The following ZFAND3 variants were observed in gnomAD, a reference collection of about 807,000 sequenced individuals.
ZFAND3 encodes zinc finger AN1-type containing 3, also known as AN1-type zinc finger protein 3.
ZFAND3 carries 10 observed loss-of-function variants against 29.6 expected under a neutral mutation model. The ratio of observed to expected loss-of-function variants is 0.34; its 90% CI spans 0.21 to 0.57. ZFAND3 has a LOEUF of 0.57. Ranked by LOEUF, ZFAND3 falls within the 20% of genes least tolerant of loss-of-function variation. The pLI is 0.86. For missense variants in ZFAND3, 230 were observed against 304.5 expected (o/e 0.76, Z 1.82); for synonymous variants, 128 against 112.6 (o/e 1.14, Z -0.87).
At chr6:37,940,980 A>T (rs1446776224) in intron 2 of ZFAND3, among the ~76,000 whole-genome samples, 2 of 152,214 alleles carry the variant, frequency 1.3e-5, no homozygotes, top group Non-Finnish European at 2.9e-5. Context: ...AGGCAGTAAA[A>T]TCCTGAAATG....
At chr6:38,031,798 T>G (rs1763565465) in intron 2 of ZFAND3, among the ~76,000 whole-genome samples, 1 of 152,148 alleles carries the variant, frequency 6.6e-6, no homozygotes, top group Non-Finnish European at 1.5e-5. Context: ...GTTATGCATA[T>G]GTAGACTCCA....
intron 1 of ZFAND3, among the ~76,000 whole-genome samples, chr6:37,904,699 GA>G (rs1423096592): frequency 6.6e-6 from 1 of 152,192 alleles, no homozygotes; most frequent in Non-Finnish European, 1.5e-5. Context: ...AAATGATGAA[GA>G]GGGGTGATTA....
chr6:38,025,977 CTG>C lies in ZFAND3; in HGVS notation c.113-35613_113-35612del, dbSNP rs576364490. On this transcript the variant is annotated intron_variant, in intron 2 of 5. Transcript: ENST00000287218. ...AATTGGTTGTGATGCTTGCACAACTCTGTGAATATACTCTGCCTAAAACTATT... is the reference window on the plus strand; with the variant it reads ...AATTGGTTGTGATGCTTGCACAACTCTGAATATACTCTGCCTAAAACTATT... Among the ~76,000 whole-genome samples, 52 of 152,246 alleles carry C rather than the reference CTG, an allele frequency of 3.4e-4. 1 individual carries two copies. In the South Asian group the frequency reaches 9.3e-3, roughly 27 times the overall value.
intron 1 of ZFAND3, among the ~76,000 whole-genome samples, chr6:37,919,266 G>A (rs1048085672): frequency 1.3e-5 from 2 of 151,994 alleles, no homozygotes; most frequent in African/African-American, 4.8e-5. Context: ...TTATATATAT[G>A]TTCACCCATT....
intron 5 of ZFAND3, among the ~76,000 whole-genome samples, chr6:38,118,942 CT>C (rs1403091913): frequency 6.6e-6 from 1 of 152,220 alleles, no homozygotes; most frequent in East Asian, 1.9e-4. Context: ...TTTAAATGTT[CT>C]AACATGTAGT....
intron 4 of ZFAND3, among the ~76,000 whole-genome samples, chr6:38,109,278 G>GT (rs1320062280): frequency 1.3e-5 from 2 of 150,890 alleles, no homozygotes; most frequent in East Asian, 3.9e-4. Context: ...CACCTCCTGC[G>GT]TTCAAGCGAT....
At chr6:38,027,897 T>C (rs1188352381) in intron 2 of ZFAND3, among the ~76,000 whole-genome samples, 1 of 152,252 alleles carries the variant, frequency 6.6e-6, no homozygotes, top group Non-Finnish European at 1.5e-5. Flanking sequence ...TGCCCTGCTA[T>C]GGAGCCTTTC....
rs563719579 is a variant in ZFAND3 at position 37,880,403 on chromosome 6, GGTCA to G, written c.72-49551_72-49548del. On this transcript the variant is annotated intron_variant, in intron 1 of 5. Coordinates refer to ENST00000287218, the MANE Select transcript of ZFAND3 (RefSeq NM_021943.3). ...CCACTAAAATTTTACCTGACAGTGA[GGTCA>G]GTCAAACAATGGAATAACTTGCTAA... is the stretch of plus-strand genomic sequence containing the variant. Among the ~76,000 whole-genome samples the G allele has an allele frequency of 3.2e-3, 483 of 152,264 alleles. 1 individual carries two copies. Among genetic ancestry groups the G allele is most frequent in the Non-Finnish European group, 5.3e-3 (360 of 68,024 alleles).
intron 1 of ZFAND3, among the ~76,000 whole-genome samples, chr6:37,878,561 C>T (rs935254516): frequency 1.3e-5 from 2 of 152,198 alleles, no homozygotes; most frequent in Non-Finnish European, 2.9e-5. Flanking sequence ...ACCTGAACAC[C>T]CCACAGCAGC....
chr6:37,899,666 GTTA>G (rs1765283815), intron 1 of ZFAND3, among the ~76,000 whole-genome samples: 1 of 152,110 alleles, frequency 6.6e-6, no homozygotes, highest in African/African-American at 2.4e-5. Context: ...AGAGATGCCC[GTTA>G]TTATCTTTGC....
intron 1 of ZFAND3, among the ~76,000 whole-genome samples, chr6:37,886,453 C>A (rs375803669): frequency 1.3e-5 from 2 of 152,104 alleles, no homozygotes; most frequent in African/African-American, 4.8e-5. Context: ...TTTGTTAGAA[C>A]ACAAGCCTTG....
At chr6:37,841,744 A>G (rs1344552730) in intron 1 of ZFAND3, among the ~76,000 whole-genome samples, 1 of 152,040 alleles carries the variant, frequency 6.6e-6, no homozygotes, top group East Asian at 1.9e-4. Context: ...CGGCCCCCCA[A>G]AGCGCTGGGA....
intron 3 of ZFAND3, among the ~76,000 whole-genome samples, chr6:38,063,239 T>C (rs1764277322): frequency 6.6e-6 from 1 of 152,224 alleles, no homozygotes; most frequent in African/African-American, 2.4e-5. Context: ...CTATATTTGG[T>C]AATATCGAGA....
chr6:38,005,173 G>T (rs986200629), intron 2 of ZFAND3, among the ~76,000 whole-genome samples: 1 of 152,154 alleles, frequency 6.6e-6, no homozygotes, highest in African/African-American at 2.4e-5. Flanking sequence ...TTTCTTTAGT[G>T]CCATTTCAAA....
Position 38,103,438 on chromosome 6 carries a change from CGT to C in ZFAND3, c.362-13131_362-13130del, listed in dbSNP as rs1223673907. On this transcript the variant is annotated intron_variant, in intron 4 of 5. Coordinates refer to ENST00000287218, the MANE Select transcript of ZFAND3 (RefSeq NM_021943.3). ...GTATATACACACACATATATATACA[CGT>C]GTATATATATACACACATATATACA... Among the ~76,000 whole-genome samples, 12 of 69,414 alleles carry C rather than the reference CGT, an allele frequency of 1.7e-4. No individual in the cohort carries two copies. In the South Asian group the frequency reaches 4.1e-3, roughly 24 times the overall value. The allele number at this position is 69,414 out of a possible 152,430, so 45.5% of individuals were successfully genotyped here. A position where few individuals can be genotyped will look rare whatever the true frequency, so the allele number is the denominator to read the frequency against.
chr6:37,865,974 G>C (rs1264786425), intron 1 of ZFAND3, among the ~76,000 whole-genome samples: 1 of 152,080 alleles, frequency 6.6e-6, no homozygotes, highest in Non-Finnish European at 1.5e-5. Flanking sequence ...CATATCTCTG[G>C]TGGCAACTCC....
chr6:38,072,713 A>G lies in ZFAND3; in HGVS notation c.296-9679A>G, dbSNP rs559323166. 1.0e-3 allele frequency among the ~76,000 whole-genome samples: 158 copies of G among 152,358 alleles called. 1 individual carries two copies. Among genetic ancestry groups the G allele is most frequent in the African/African-American group, 3.7e-3 (153 of 41,586 alleles). On this transcript the variant is annotated intron_variant, in intron 3 of 5. Transcript: ENST00000287218. Reference sequence around the variant, plus strand: ...AGCCATTTTAAGCTTACATAAATATATTTTAATTGTGCTTGTGAACTTCTT... The same window carrying G: ...AGCCATTTTAAGCTTACATAAATATGTTTTAATTGTGCTTGTGAACTTCTT...
chr6:37,845,862 A>ATGTT (rs1280690091), intron 1 of ZFAND3, among the ~76,000 whole-genome samples: 2 of 152,202 alleles, frequency 1.3e-5, no homozygotes, highest in African/African-American at 4.8e-5. Flanking sequence ...ATCCTTCATG[A>ATGTT]TGTTTACCTT....
Position 37,869,924 on chromosome 6 carries a change from G to C in ZFAND3, c.71+49908G>C, listed in dbSNP as rs1036225729. ...TTTATTTTTCTTTCTTTCCTTCTAT[G>C]TTGGGTTTAATTTGGTCTTTTTCTA... On this transcript the variant is annotated intron_variant, in intron 1 of 5. Coordinates refer to ENST00000287218, the MANE Select transcript of ZFAND3 (RefSeq NM_021943.3). Among the ~76,000 whole-genome samples the C allele has an allele frequency of 2.6e-5, 4 of 151,024 alleles. No homozygotes were observed. In the East Asian group the frequency reaches 5.8e-4, roughly 22 times the overall value.
Sources: allele counts gnomAD v4.1 joint callset (sites outside exome capture counted in the v4.1 genomes callset), GRCh38; gene constraint gnomAD v4.1.1; transcripts MANE v1.5; gene names NCBI Gene and HGNC (gene_info 2026-07-23, HGNC 2026-07-21).